The following KIF15 variants were observed in gnomAD, a reference collection of about 807,000 sequenced individuals.
The protein encoded by KIF15 is kinesin-like protein KIF15.
Under a neutral mutation model 190.6 loss-of-function variants are expected in KIF15, and 140 were observed. The ratio of observed to expected loss-of-function variants is 0.73; its 90% confidence interval spans 0.64 to 0.84. The LOEUF (loss-of-function observed/expected upper bound fraction) is 0.84, where lower values mean the gene tolerates loss of function less well. Ranked by LOEUF, KIF15 falls within the 40% of genes least tolerant of loss-of-function variation. The pLI is 0.00. For synonymous variants in KIF15, 528 were observed against 551.3 expected, an observed-to-expected ratio of 0.96 and a Z score of 0.59; for missense variants, 1,372 against 1,584.4, an observed-to-expected ratio of 0.87 and a Z score of 2.28.
chr3:44,776,847 C>T (rs1559525224), intron 3 of KIF15, among the ~76,000 whole-genome samples: 1 of 152,052 alleles, frequency 6.6e-6, no homozygotes, highest in Non-Finnish European at 1.5e-5. Flanking sequence ...AAATTCAGTG[C>T]CTCAGATGCA....
intron 33 of KIF15, 63 bp downstream of exon 33, chr3:44,852,015 C>T (rs545837691): frequency 1.4e-5 from 22 of 1,531,282 alleles, no homozygotes; most frequent in Middle Eastern, 3.5e-4. Flanking sequence ...AACTAATTAG[C>T]GTAAAACTCA....
In KIF15 at chr3:44,761,890, T is replaced by A; in HGVS notation, c.19+6T>A. ...TATGGCACCCGGCTGCAAAAGTAAG[T>A]CTGGGCCCCCGGCTTCGTTACCCTA... On this transcript the variant is annotated splice_donor_region_variant and intron_variant, in intron 1 of 34. Transcript: ENST00000326047. 6.2e-7 allele frequency: 1 copy of A among 1,614,174 alleles called. No individual in the cohort carries two copies. Among genetic ancestry groups the A allele is most frequent in the Non-Finnish European group, 8.5e-7 (1 of 1,180,018 alleles).
At position 44,775,238 on chromosome 3, in the gene KIF15, T is replaced by C. The variant is rs1302552962; in HGVS notation, c.63-16T>C. ...TTCAATAAACTGAACTGTTACTTTC[T>C]TTTTTTTGTCTTTAGTAATGAAGGT... On this transcript the variant is annotated splice_polypyrimidine_tract_variant and intron_variant, in intron 2 of 34. Coordinates refer to ENST00000326047, the MANE Select transcript of KIF15 (RefSeq NM_020242.3). 6.4e-7 allele frequency: 1 copy of C among 1,573,588 alleles called. No individual in the cohort carries two copies. The highest frequency in any genetic ancestry group is 1.1e-5 in the South Asian group (1 of 88,548).
rs200482596 is a variant in KIF15, at chr3:44,786,480, C to G, written c.545C>G (p.Ser182Trp). Residue 182 changes from serine (S) to tryptophan (W), a missense_variant, in exon 7 of 35, where the codon TCG (serine) becomes TGG (tryptophan). By Grantham distance (177) the Ser-to-Trp change is radical. Transcript: ENST00000326047. ...ATATATGATCTACTGGACTCTGCAT[C>G]GGCTGGACTGTACTTAAGGGAGCAT... is the stretch of plus-strand genomic sequence containing the variant. The part of the protein sequence containing the change: ...EQIYDLLDSA[S>W]AGLYLREHIK... 6 of 1,613,718 alleles carry G rather than the reference C, an allele frequency of 3.7e-6. No individual in the cohort carries two copies. The highest frequency in any genetic ancestry group is 4.2e-6 in the Non-Finnish European group (5 of 1,179,834).
intron 17 of KIF15, among the ~76,000 whole-genome samples, chr3:44,811,276 G>A (rs1233378294): frequency 6.6e-6 from 1 of 152,136 alleles, no homozygotes; most frequent in African/African-American, 2.4e-5. Flanking sequence ...GTTCCTTAGT[G>A]TATAAAATGA....
rs771897769 is a variant in KIF15 at position 44,801,852 on chromosome 3, C to T, written c.1387C>T (p.Arg463Ter). ...ATCTAATAAAATGATTGTGAAATTC[C>T]GAGAGGATCAAATAATACGCTTGGA... ...IQSNKMIVKF[R>*]EDQIIRLEKL... The change falls in exon 13 of 35, where the codon CGA (arginine) becomes TGA (stop). Residue 463 changes from arginine to a stop codon, truncating the protein, a stop_gained. Transcript: ENST00000326047. LOFTEE classifies it high-confidence loss of function. 5.0e-6 allele frequency: 8 copies of T among 1,611,632 alleles called. No individual in the cohort carries two copies. The highest frequency in any genetic ancestry group is 2.2e-5 in the East Asian group (1 of 44,866).
intron 5 of KIF15, among the ~76,000 whole-genome samples, chr3:44,783,760 A>G (rs1239390274): frequency 6.6e-6 from 1 of 152,202 alleles, no homozygotes; most frequent in Non-Finnish European, 1.5e-5. Context: ...TACCAAAGAC[A>G]ACTATTATAT....
chr3:44,852,242 T>G lies in KIF15; in HGVS notation c.4007T>G (p.Leu1336Arg). 1.2e-6 allele frequency: 2 copies of G among 1,613,546 alleles called. No individual in the cohort carries two copies. Among genetic ancestry groups the G allele is most frequent in the Non-Finnish European group, 1.7e-6 (2 of 1,179,654 alleles). ...ATGTTAAGGAAGCAGGTGGAGTGTC[T>G]TGCTGAGGAAAATGGAAAGTTGGTA... is the stretch of plus-strand genomic sequence containing the variant. ...MEMLRKQVECLAEENGKLVGH... is the reference protein window; with the variant it reads ...MEMLRKQVECRAEENGKLVGH... The change falls in exon 34 of 35, where the codon CTT (leucine) becomes CGT (arginine). Residue 1336 changes from leucine to arginine, a missense_variant. Physicochemically the swap from Leu to Arg is moderately radical, Grantham distance 102 (BLOSUM62 -2). Transcript: ENST00000326047.
intron 3 of KIF15, among the ~76,000 whole-genome samples, chr3:44,775,643 A>G (rs963913263): frequency 1.3e-5 from 2 of 151,492 alleles, no homozygotes; most frequent in Non-Finnish European, 2.9e-5. Context: ...TTTAGTAGAG[A>G]TGGGGTTTCA....
intron 30 of KIF15, 86 bp from the exon 31 acceptor site, chr3:44,847,899 A>G (rs932328022): frequency 2.1e-6 from 2 of 943,036 alleles, no homozygotes; most frequent in South Asian, 3.0e-5. Context: ...ATTGCTGCAT[A>G]TAATGGATTT....
At chr3:44,783,945 G>C (rs1445709130) in intron 5 of KIF15, among the ~76,000 whole-genome samples, 2 of 152,106 alleles carry the variant, frequency 1.3e-5, no homozygotes, top group Non-Finnish European at 1.5e-5. Flanking sequence ...TTAGAATCCT[G>C]CTATTTGCAT....
At chr3:44,854,485 G>A (rs987974252), downstream of KIF15, among the ~76,000 whole-genome samples, 10 of 152,028 alleles carry the variant, frequency 6.6e-5, no homozygotes, top group East Asian at 1.9e-4. Flanking sequence ...TAGTAAATCC[G>A]TAAGGGCCAA....
Position 44,866,282 on chromosome 3 carries a change from C to A in KIF15, c.*60-7047C>A, listed in dbSNP as rs180706447. Among the ~76,000 whole-genome samples, 751 of 152,128 alleles carry A rather than the reference C, an allele frequency of 4.9e-3. 6 individuals are homozygous for A. Among genetic ancestry groups the A allele is most frequent in the Non-Finnish European group, 7.6e-3 (515 of 67,986 alleles). Reference sequence around the variant, plus strand: ...AGAGATGGGGTTTCACCATGTTATCCAGGATAGTCTCGATCTCCTGACCTC... The same window carrying A: ...AGAGATGGGGTTTCACCATGTTATCAAGGATAGTCTCGATCTCCTGACCTC... On this transcript the variant is annotated intron_variant and NMD_transcript_variant, in intron 6 of 6. Transcript: ENST00000422209.
At chr3:44,787,480 A>G (rs1242323811) in intron 7 of KIF15, among the ~76,000 whole-genome samples, 2 of 152,144 alleles carry the variant, frequency 1.3e-5, no homozygotes, top group African/African-American at 2.4e-5. Flanking sequence ...TTTATCTTCA[A>G]TAAAAGATGG....
At chr3:44,785,931 T>G (rs1338173848) in intron 6 of KIF15, among the ~76,000 whole-genome samples, 1 of 152,136 alleles carries the variant, frequency 6.6e-6, no homozygotes, top group Non-Finnish European at 1.5e-5. Flanking sequence ...GTGTTAAAAC[T>G]AGTTATCAGC....
chr3:44,838,107 C>G (rs1402128777), intron 26 of KIF15, among the ~76,000 whole-genome samples, 168 bp from the exon 27 acceptor site: 1 of 152,196 alleles, frequency 6.6e-6, no homozygotes, highest in Non-Finnish European at 1.5e-5. Context: ...ACCTGTTCAT[C>G]TAAATATTAA....
intron 6 of KIF15, chr3:44,864,190 C>T: frequency 6.2e-7 from 1 of 1,613,742 alleles, no homozygotes; most frequent in Non-Finnish European, 8.5e-7. Flanking sequence ...GACACTTTCT[C>T]CTGCAGGTGA....
intron 20 of KIF15, among the ~76,000 whole-genome samples, chr3:44,821,277 T>G (rs1352904047): frequency 7.2e-6 from 1 of 138,106 alleles, no homozygotes; most frequent in Non-Finnish European, 1.6e-5. Context: ...ACCTCCCTCC[T>G]GGACGGGGCG....
chr3:44,861,525 A>T lies in KIF15; in HGVS notation c.*59+8731A>T, dbSNP rs147656120. Among the ~76,000 whole-genome samples the T allele has an allele frequency of 1.7e-3, 257 of 152,162 alleles. 1 individual carries two copies. Among genetic ancestry groups the T allele is most frequent in the African/African-American group, 4.9e-3 (205 of 41,508 alleles). On this transcript the variant is annotated intron_variant and NMD_transcript_variant, in intron 6 of 6. Transcript: ENST00000422209. ...GTCCTCAGGCTGGAGGGTGGAGCGG[A>T]GAAGCCTGGTCGACGTGGATGGACT... is the stretch of plus-strand genomic sequence containing the variant.
Sources: allele counts gnomAD v4.1 joint callset (sites outside exome capture counted in the v4.1 genomes callset), GRCh38; gene constraint gnomAD v4.1.1; transcripts MANE v1.5; gene names NCBI Gene and HGNC (gene_info 2026-07-23, HGNC 2026-07-21).